Variants in CAPS2 observed in about 807,000 individuals in gnomAD.
The protein encoded by CAPS2 is calcyphosine 2, also known as calcyphosin-2.
In CAPS2, 98 loss-of-function variants were observed where a neutral mutation model predicts 86.5. That is an observed-to-expected ratio of 1.13 (90% CI 0.96 to 1.34). CAPS2 has a LOEUF of 1.34. Ranked by LOEUF, CAPS2 falls within the 40% of genes most tolerant of loss-of-function variation. The probability of loss-of-function intolerance (pLI) is 0.00; values close to 1 mark genes in which losing one functional copy is unlikely to be tolerated. For missense variants in CAPS2, 729 were observed against 686.8 expected (o/e 1.06, Z -0.69); for synonymous variants, 210 against 225.1 (o/e 0.93, Z 0.60).
upstream of CAPS2, chr12:75,329,981 A>C: frequency 5.7e-6 from 5 of 875,574 alleles, no homozygotes; most frequent in South Asian, 8.7e-5. Context: ...AAAAGGTATA[A>C]ACTAGCGCGA....
chr12:75,321,453 T>C, exon 5 of CAPS2: 1 of 1,548,224 alleles, frequency 6.5e-7, no homozygotes, highest in Non-Finnish European at 8.7e-7. Context: ...TTTGATTTTG[T>C]ATTTTCTGCA....
At chr12:75,380,209 T>C (rs1390831958) in intron 1 of CAPS2, among the ~76,000 whole-genome samples, 1 of 152,220 alleles carries the variant, frequency 6.6e-6, no homozygotes, top group Non-Finnish European at 1.5e-5. Context: ...TCTTGACAAC[T>C]ATATTGAATC....
intron 4 of CAPS2, among the ~76,000 whole-genome samples, chr12:75,322,047 ATTTG>A (rs1255482027): frequency 6.6e-6 from 1 of 152,132 alleles, no homozygotes; most frequent in Non-Finnish European, 1.5e-5. Flanking sequence ...TGCAAATAAA[ATTTG>A]TTTTTCTCTT....
chr12:75,368,170 A>T (rs2044115396), intron 1 of CAPS2, among the ~76,000 whole-genome samples: 1 of 152,030 alleles, frequency 6.6e-6, no homozygotes, highest in African/African-American at 2.4e-5. Flanking sequence ...ATACAATATT[A>T]CATTATTCTT....
At chr12:75,338,590 AT>A (rs113010335) in intron 1 of CAPS2, among the ~76,000 whole-genome samples, 18 of 148,616 alleles carry the variant, frequency 1.2e-4, no homozygotes, top group East Asian at 3.9e-4. Context: ...TGGAAAAGTT[AT>A]TTTTTTTTTC....
intron 11 of CAPS2, among the ~76,000 whole-genome samples, chr12:75,297,938 ACCCCTCCTATCTGGCCCACATTG>A (rs1351758456): frequency 6.6e-6 from 1 of 152,016 alleles, no homozygotes; most frequent in Non-Finnish European, 1.5e-5. Flanking sequence ...CTAGGCCATC[ACCCCTCCTATCTGGCCCACATTG>A]CCCCTCCTAT....
chr12:75,285,110 T>C (rs1176109162), intron 14 of CAPS2, 30 bp from the exon 15 acceptor site: 10 of 1,596,710 alleles, frequency 6.3e-6, no homozygotes, highest in Admixed American at 3.5e-5. Context: ...ACTGTTGCAT[T>C]TTTAAGTTAC....
At chr12:75,368,630 A>G (rs1376878745) in intron 1 of CAPS2, among the ~76,000 whole-genome samples, 1 of 151,880 alleles carries the variant, frequency 6.6e-6, no homozygotes, top group African/African-American at 2.4e-5. Flanking sequence ...TATTTTTAGA[A>G]TTGTGCTTGG....
exon 12 of CAPS2, chr12:75,293,332 G>A: frequency 6.2e-7 from 1 of 1,612,004 alleles, no homozygotes; most frequent in Non-Finnish European, 8.5e-7. Flanking sequence ...CTGGAAGGCT[G>A]AGATGATCAG....
At chr12:75,352,780 A>C (rs1439532461) in intron 1 of CAPS2, among the ~76,000 whole-genome samples, 1 of 152,208 alleles carries the variant, frequency 6.6e-6, no homozygotes, top group Non-Finnish European at 1.5e-5. Flanking sequence ...ATGCAAAAGA[A>C]CTGAAATCAT....
chr12:75,282,448 G>T, intron 15 of CAPS2, 101 bp from the exon 16 acceptor site: 1 of 765,282 alleles, frequency 1.3e-6, no homozygotes, highest in Non-Finnish European at 2.3e-6. Context: ...GTGCAATGGC[G>T]TGATCTCAGC....
In CAPS2 at chr12:75,311,429, G is replaced by C. The variant is rs146745568; in HGVS notation, c.659+1419C>G. Among the ~76,000 whole-genome samples, 12 of 152,272 alleles carry C rather than the reference G, an allele frequency of 7.9e-5. No homozygotes were observed. The East Asian group carries it at 2.3e-3, about 29-fold the overall frequency. Reference sequence around the variant, plus strand: ...TGAGTTACTATGGAGGAAAATTAAAGATTTGGTCATGGAGGAAGAGAGGGC... The same window carrying C: ...TGAGTTACTATGGAGGAAAATTAAACATTTGGTCATGGAGGAAGAGAGGGC... On this transcript the variant is annotated intron_variant, in intron 7 of 16. Coordinates refer to ENST00000393284, the Ensembl canonical transcript of CAPS2.
At chr12:75,377,432 G>T (rs2044707147) in intron 1 of CAPS2, among the ~76,000 whole-genome samples, 1 of 152,138 alleles carries the variant, frequency 6.6e-6, no homozygotes, top group South Asian at 2.1e-4. Context: ...GCCAGCAGTG[G>T]CTCAGCCCAA....
At chr12:75,316,141 C>A in intron 6 of CAPS2, 171 bp downstream of exon 6, 1 of 884,932 alleles carries the variant, frequency 1.1e-6, no homozygotes, top group Non-Finnish European at 1.6e-6. Flanking sequence ...AGAATATATA[C>A]CAAATACAAT....
chr12:75,289,655 G>A (rs1377501590), exon 14 of CAPS2: 2 of 1,613,046 alleles, frequency 1.2e-6, no homozygotes, highest in South Asian at 2.2e-5. Flanking sequence ...CACTTTTAGA[G>A]CTTGCTTAAA....
At chr12:75,352,603 A>C (rs2042888279) in intron 1 of CAPS2, among the ~76,000 whole-genome samples, 2 of 152,350 alleles carry the variant, frequency 1.3e-5, no homozygotes, top group South Asian at 4.1e-4. Context: ...CAGAGACAGA[A>C]TATTAACAAA....
exon 12 of CAPS2, chr12:75,293,322 C>T: frequency 6.2e-7 from 1 of 1,611,966 alleles, no homozygotes; most frequent in South Asian, 1.1e-5. Flanking sequence ...TTGATGCTTT[C>T]TGGAAGGCTG....
chr12:75,355,343 T>C (rs903489676), intron 1 of CAPS2, among the ~76,000 whole-genome samples: 2 of 152,178 alleles, frequency 1.3e-5, no homozygotes, highest in African/African-American at 4.8e-5. Context: ...AAATAAGACA[T>C]TTATGCAGCC....
downstream of CAPS2, chr12:75,276,366 T>C (rs1489925417): frequency 1.4e-6 from 2 of 1,389,402 alleles, no homozygotes; most frequent in East Asian, 5.7e-5. Context: ...TACACAATTC[T>C]CTCCTGAAAT....
Sources: allele counts gnomAD v4.1 joint callset (sites outside exome capture counted in the v4.1 genomes callset), GRCh38; gene constraint gnomAD v4.1.1; transcripts MANE v1.5; gene names NCBI Gene and HGNC (gene_info 2026-07-23, HGNC 2026-07-21).